LRRC66: variants seen among roughly 807,000 people sequenced by gnomAD.
LRRC66 encodes the protein leucine-rich repeat-containing protein 66.
LRRC66 carries 29 observed loss-of-function variants against 24.6 expected under a neutral mutation model. The ratio of observed to expected loss-of-function variants is 1.18; its 90% CI spans 0.88 to 1.61. The LOEUF (loss-of-function observed/expected upper bound fraction) is 1.61. LRRC66 is among the 40% of genes most tolerant of loss of function. The pLI is 0.00. For missense variants in LRRC66, 1,124 were observed against 1,058.0 expected, an observed-to-expected ratio of 1.06 and a Z score of -0.87; for synonymous variants, 411 against 397.6, an observed-to-expected ratio of 1.03 and a Z score of -0.40.
chr4:52,000,242 C>T (rs1393755296), intron 3 of LRRC66, among the ~76,000 whole-genome samples: 1 of 152,156 alleles, frequency 6.6e-6, no homozygotes, highest in African/African-American at 2.4e-5. Context: ...TTTAGTCTGC[C>T]TGTGACATCT....
At position 52,017,158 on chromosome 4, in the gene LRRC66, C is replaced by A. The variant is rs1252023185; in HGVS notation, c.456G>T (p.Val152=). 1.9e-6 allele frequency: 3 copies of A among 1,613,834 alleles called. No homozygotes were observed. The highest frequency in any genetic ancestry group is 2.5e-6 in the Non-Finnish European group (3 of 1,179,900). ...TGAGTTTATTTCTTTGAAGAATGAGCACCTTCAGCAATGGAAACCTGTTTC... is the reference window on the plus strand; with the variant it reads ...TGAGTTTATTTCTTTGAAGAATGAGAACCTTCAGCAATGGAAACCTGTTTC... ...SFRNRFPLLK[V]LILQRNKLSD... is the part of the protein sequence containing the mutation. Residue 152 remains valine, a synonymous_variant, in exon 2 of 5, where the codon GTG becomes GTT. Transcript: ENST00000682860.
In LRRC66 at chr4:52,003,330, C is replaced by A. The variant is rs1736497975; in HGVS notation, c.559G>T (p.Gly187Trp). 1.2e-6 allele frequency: 2 copies of A among 1,613,710 alleles called. No homozygotes were observed. The highest frequency in any genetic ancestry group is 1.1e-5 in the South Asian group (1 of 91,076). ...AGGCAGTTGTGAAAATCAGACCACC[C>A]TATTTGCAATATCCCATTGAATGAC... ...DLSFNGILQI[G>W]WSDFHNCLQL... Residue 187 changes from glycine (G) to tryptophan (W), a missense_variant, in exon 3 of 5, where the codon GGG becomes TGG. Physicochemically the swap from Gly to Trp is radical, Grantham distance 184. Coordinates refer to ENST00000682860, the MANE Select transcript of LRRC66 (RefSeq NM_001024611.3).
At chr4:52,006,774 AATT>A (rs1190221301) in intron 2 of LRRC66, among the ~76,000 whole-genome samples, 2 of 151,462 alleles carry the variant, frequency 1.3e-5, no homozygotes, top group African/African-American at 2.4e-5. Context: ...TGACAGAAGA[AATT>A]ATTTTTAAGC....
chr4:52,008,450 A>G (rs1048862088), intron 2 of LRRC66, among the ~76,000 whole-genome samples: 1 of 151,918 alleles, frequency 6.6e-6, no homozygotes, highest in Non-Finnish European at 1.5e-5. Flanking sequence ...ACACGGGGAA[A>G]GCTGTTTTTT....
intron 3 of LRRC66, among the ~76,000 whole-genome samples, chr4:51,999,274 C>G (rs1299720060): frequency 6.6e-6 from 1 of 152,162 alleles, no homozygotes; most frequent in African/African-American, 2.4e-5. Flanking sequence ...TTTATAGACA[C>G]CCGTGAAAAA....
rs902044340 is a variant in LRRC66, at chr4:51,994,866, T to A, written c.2156A>T (p.Glu719Val). 2 of 1,614,164 alleles carry A rather than the reference T, an allele frequency of 1.2e-6. No homozygotes were observed. Among genetic ancestry groups the A allele is most frequent in the Non-Finnish European group, 1.7e-6 (2 of 1,180,022 alleles). Residue 719 changes from glutamate (E) to valine (V), a missense_variant, in exon 5 of 5, where the codon GAG becomes GTG. Glu to Val is a moderately radical substitution (Grantham distance 121). Transcript: ENST00000682860. ...CTCTTCAGTCTTGCTCCTTGCACTC[T>A]CTGAACTTATGGAGCTCAGAGTGAA... ...SLFTLSSISS[E>V]SARSKTEEAV...
At chr4:52,002,850 G>A (rs564120448) in intron 3 of LRRC66, among the ~76,000 whole-genome samples, 7 of 152,200 alleles carry the variant, frequency 4.6e-5, no homozygotes, top group Non-Finnish European at 8.8e-5. Flanking sequence ...GTTCCATATT[G>A]CATAAGACCC....
chr4:52,003,864 TTTGA>T (rs1433952916), intron 2 of LRRC66, among the ~76,000 whole-genome samples: 2 of 152,226 alleles, frequency 1.3e-5, no homozygotes, highest in East Asian at 1.9e-4. Flanking sequence ...AAAATATAAC[TTTGA>T]TTGAAAGACG....
At chr4:52,004,853 T>C (rs1736537804) in intron 2 of LRRC66, among the ~76,000 whole-genome samples, 1 of 152,224 alleles carries the variant, frequency 6.6e-6, no homozygotes, top group South Asian at 2.1e-4. Flanking sequence ...CAAAACATTA[T>C]GGGCAAGGCA....
chr4:52,015,275 T>C (rs987357614), intron 2 of LRRC66, among the ~76,000 whole-genome samples: 4 of 152,148 alleles, frequency 2.6e-5, no homozygotes, highest in African/African-American at 9.7e-5. Context: ...TGGCTTTTGT[T>C]TTCCAAAACC....
intron 1 of LRRC66, among the ~76,000 whole-genome samples, chr4:52,019,075 A>C (rs1157140302): frequency 1.3e-5 from 2 of 152,142 alleles, no homozygotes; most frequent in Non-Finnish European, 2.9e-5. Context: ...AGGTTTCTCC[A>C]TGTTGGTCAG....
In LRRC66 at chr4:52,017,424, T is replaced by C. The variant is rs1736842230; in HGVS notation, c.190A>G (p.Thr64Ala). ...AAGAAATTGAAACTTACATCCACAGTGGCTGCTGTCTGTGATATGTCCACA... is the reference window on the plus strand; with the variant it reads ...AAGAAATTGAAACTTACATCCACAGCGGCTGCTGTCTGTGATATGTCCACA... ...IPVDISQTAA[T>A]VDVSFNFFRV... The change falls in exon 2 of 5, where the codon ACT (threonine) becomes GCT (alanine). Residue 64 changes from threonine to alanine, a missense_variant. By Grantham distance (58) the Thr-to-Ala change is moderately conservative. Coordinates refer to ENST00000682860, the MANE Select transcript of LRRC66 (RefSeq NM_001024611.3). 1 of 1,614,044 alleles carries C rather than the reference T, an allele frequency of 6.2e-7. No homozygotes were observed. The highest frequency in any genetic ancestry group is 1.1e-5 in the South Asian group (1 of 91,090).
chr4:52,015,113 T>C (rs1288710389), intron 2 of LRRC66, among the ~76,000 whole-genome samples: 1 of 152,148 alleles, frequency 6.6e-6, no homozygotes, highest in Non-Finnish European at 1.5e-5. Context: ...TTTACTCTTG[T>C]GGTGGGGTAA....
chr4:52,008,297 C>G (rs1314565955), intron 2 of LRRC66, among the ~76,000 whole-genome samples: 7 of 152,214 alleles, frequency 4.6e-5, no homozygotes, highest in African/African-American at 1.7e-4. Context: ...TTCCAGAGAT[C>G]TGCTGCAAAC....
chr4:52,017,267 A>G lies in LRRC66; in HGVS notation c.347T>C (p.Leu116Pro). The change falls in exon 2 of 5, where the codon CTC becomes CCC. Residue 116 changes from leucine (L) to proline (P), a missense_variant. Leu to Pro is a moderately conservative substitution (Grantham distance 98). Transcript: ENST00000682860. ...GAGGGAGTGGATGGCATTGTTGCTG[A>G]GGTTTAACACTTCCAAAGCATGTAA... Reference protein sequence around the residue: ...AYLHALEVLNLSNNAIHSLSL... With the variant: ...AYLHALEVLNPSNNAIHSLSL... 2.5e-6 allele frequency: 4 copies of G among 1,614,186 alleles called. No individual in the cohort carries two copies. Among genetic ancestry groups the G allele is most frequent in the Non-Finnish European group, 3.4e-6 (4 of 1,180,022 alleles).
At chr4:52,003,111 G>T in intron 3 of LRRC66, 112 bp downstream of exon 3, 2 of 796,112 alleles carry the variant, frequency 2.5e-6, no homozygotes, top group Non-Finnish European at 1.9e-6. Flanking sequence ...AACAGTTTTT[G>T]ATTAATAGCC....
At chr4:52,005,317 C>A (rs1736549855) in intron 2 of LRRC66, among the ~76,000 whole-genome samples, 1 of 152,090 alleles carries the variant, frequency 6.6e-6, no homozygotes, top group Non-Finnish European at 1.5e-5. Context: ...ACTATCATTT[C>A]TTTGTACTCA....
chr4:52,004,127 T>C (rs369129130), intron 2 of LRRC66, among the ~76,000 whole-genome samples: 59 of 152,226 alleles, frequency 3.9e-4, no homozygotes, highest in African/African-American at 1.3e-3. Flanking sequence ...CTCAGCCTCC[T>C]GAGTGGCTGG....
chr4:51,994,157 G>T lies in LRRC66; in HGVS notation c.*222C>A, dbSNP rs1263613549. 1 of 507,764 alleles carries T rather than the reference G, an allele frequency of 2.0e-6. No homozygotes were observed. The highest frequency in any genetic ancestry group is 3.4e-6 in the Non-Finnish European group (1 of 291,774). The allele number at this position is 507,764 out of a possible 1,614,324, so 31.5% of individuals were successfully genotyped here. A position where few individuals can be genotyped will look rare whatever the true frequency, so the allele number is the denominator to read the frequency against. On this transcript the variant is annotated 3_prime_UTR_variant, in exon 5 of 5. Coordinates refer to ENST00000682860, the MANE Select transcript of LRRC66 (RefSeq NM_001024611.3). Reference sequence around the variant, plus strand: ...CTTTCTCTTTCACACTGAAGAGCAGGTTCATCCCCATAGGATGTTAACAAG... The same window carrying T: ...CTTTCTCTTTCACACTGAAGAGCAGTTTCATCCCCATAGGATGTTAACAAG...
Sources: allele counts gnomAD v4.1 joint callset (sites outside exome capture counted in the v4.1 genomes callset), GRCh38; gene constraint gnomAD v4.1.1; transcripts MANE v1.5; gene names NCBI Gene and HGNC (gene_info 2026-07-23, HGNC 2026-07-21).